The following KLHDC4 variants were observed in gnomAD, a reference collection of about 807,000 sequenced individuals.
The protein encoded by KLHDC4 is kelch domain-containing protein 4.
A neutral mutation model predicts 62.4 loss-of-function variants in KLHDC4; 90 were observed. The observed-to-expected ratio is 1.44, with a 90% CI of 1.22 to 1.72. The LOEUF is 1.72. Among genes scored for constraint, KLHDC4 ranks in the 40% most tolerant of loss-of-function variants. The pLI, the probability that KLHDC4 is intolerant of heterozygous loss-of-function variation, is 0.00. For synonymous variants in KLHDC4, 386 were observed against 284.4 expected, an observed-to-expected ratio of 1.36 and a Z score of -3.59; for missense variants, 1,025 against 699.7, an observed-to-expected ratio of 1.47 and a Z score of -5.25.
In KLHDC4 at chr16:87,729,269, A is replaced by G. The variant is rs2039916512; in HGVS notation, c.599+1283T>C. 2.0e-5 allele frequency: 3 copies of G among 152,210 alleles called. No homozygotes were observed. The South Asian group carries it at 6.2e-4, about 32-fold the overall frequency. 9.4% of individuals were successfully genotyped at this position (152,210 alleles called of 1,614,324 possible). A position where few individuals can be genotyped will look rare whatever the true frequency, so the allele number is the denominator to read the frequency against. ...CTCTGGGAGGCTGTACAGACTTATCACGATGGATCAAGAATCACGAGAGGG... is the reference window on the plus strand; with the variant it reads ...CTCTGGGAGGCTGTACAGACTTATCGCGATGGATCAAGAATCACGAGAGGG... On this transcript the variant is annotated intron_variant, in intron 6 of 11. Coordinates refer to ENST00000270583, the MANE Select transcript of KLHDC4 (RefSeq NM_017566.4).
chr16:87,715,757 G>A (rs2036839775), intron 7 of KLHDC4, among the ~76,000 whole-genome samples: 1 of 152,228 alleles, frequency 6.6e-6, no homozygotes, highest in African/African-American at 2.4e-5. Context: ...AGTGGATGCT[G>A]ACATCGACCG....
intron 7 of KLHDC4, among the ~76,000 whole-genome samples, chr16:87,720,255 C>T (rs1308300022): frequency 6.6e-6 from 1 of 152,170 alleles, no homozygotes; most frequent in Non-Finnish European, 1.5e-5. Context: ...GACGACTGGT[C>T]CTGGGAGAAG....
At chr16:87,713,388 G>C (rs1046494332) in intron 8 of KLHDC4, among the ~76,000 whole-genome samples, 2 of 151,510 alleles carry the variant, frequency 1.3e-5, no homozygotes, top group Non-Finnish European at 2.9e-5. Context: ...TTAAGAGATG[G>C]TGTGTCACTA....
intron 5 of KLHDC4, among the ~76,000 whole-genome samples, chr16:87,745,391 C>T (rs757692990): frequency 1.2e-4 from 18 of 152,364 alleles, no homozygotes; most frequent in Non-Finnish European, 2.2e-4. Context: ...GCCTCTGCCC[C>T]GCCTTCTGCT....
chr16:87,750,664 A>C (rs1312527803), intron 4 of KLHDC4, among the ~76,000 whole-genome samples: 1 of 152,206 alleles, frequency 6.6e-6, no homozygotes, highest in East Asian at 1.9e-4. Flanking sequence ...AGTGGTCCTC[A>C]GCAGGCTCCC....
At chr16:87,765,748 A>C (rs1018326006) in intron 1 of KLHDC4, 44 bp downstream of exon 1, 3 of 1,529,508 alleles carry the variant, frequency 2.0e-6, no homozygotes, top group African/African-American at 2.8e-5. Context: ...CCGAGGCTGC[A>C]CGGCCGCGAC....
intron 3 of KLHDC4, chr16:87,755,494 C>T: frequency 2.2e-6 from 1 of 454,902 alleles, no homozygotes; most frequent in South Asian, 2.2e-5. Context: ...GCCCACCAGG[C>T]CCATCAATCT....
At chr16:87,723,385 C>G (rs1006057790) in intron 7 of KLHDC4, among the ~76,000 whole-genome samples, 4 of 152,264 alleles carry the variant, frequency 2.6e-5, no homozygotes, top group African/African-American at 9.6e-5. Flanking sequence ...CACGTGGCTG[C>G]AGACAGCAGC....
chr16:87,736,645 G>C (rs146790605), intron 5 of KLHDC4, among the ~76,000 whole-genome samples: 2,331 of 152,284 alleles, frequency 0.015, 41 homozygotes, highest in Middle Eastern at 0.082. Context: ...ACGTTATGTG[G>C]CATGATTAGT....
chr16:87,754,369 G>A lies in KLHDC4; in HGVS notation c.369+825C>T, dbSNP rs549498461. ...TCAACAACAACAACAACAAATACAA[G>A]CGTATACAAATCTGATTTTTAAACC... On this transcript the variant is annotated intron_variant, in intron 4 of 11. Coordinates refer to ENST00000270583, the MANE Select transcript of KLHDC4 (RefSeq NM_017566.4). 3.3e-5 allele frequency among the ~76,000 whole-genome samples: 5 copies of A among 152,270 alleles called. No individual in the cohort carries two copies. In the South Asian group the frequency reaches 8.3e-4, roughly 25 times the overall value.
At position 87,735,245 on chromosome 16, in the gene KLHDC4, A is replaced by C. The variant is rs182792401; in HGVS notation, c.507-4601T>G. ...AACCCGGGAGGCGGAGCTTGCAGTGAGCAGAGATCGCACCACTGCACTCCA... is the reference window on the plus strand; with the variant it reads ...AACCCGGGAGGCGGAGCTTGCAGTGCGCAGAGATCGCACCACTGCACTCCA... On this transcript the variant is annotated intron_variant, in intron 5 of 11. Coordinates refer to ENST00000270583, the MANE Select transcript of KLHDC4 (RefSeq NM_017566.4). 4.9e-3 allele frequency among the ~76,000 whole-genome samples: 745 copies of C among 150,960 alleles called. 6 individuals carry two copies. Among genetic ancestry groups the C allele is most frequent in the African/African-American group, 0.017 (692 of 41,018 alleles).
intron 2 of KLHDC4, among the ~76,000 whole-genome samples, chr16:87,760,805 G>A (rs1379278864): frequency 3.3e-5 from 5 of 152,120 alleles, no homozygotes; most frequent in African/African-American, 4.8e-5. Flanking sequence ...GGCCAAGGCA[G>A]GTGGATTACC....
At chr16:87,720,787 G>T (rs1457351865) in intron 7 of KLHDC4, among the ~76,000 whole-genome samples, 2 of 152,214 alleles carry the variant, frequency 1.3e-5, no homozygotes, top group Non-Finnish European at 2.9e-5. Context: ...CTGCTTCAGG[G>T]AAGCTGCTCC....
At chr16:87,727,018 T>G (rs1450414616) in intron 6 of KLHDC4, 94 bp from the exon 7 acceptor site, 1 of 1,374,026 alleles carries the variant, frequency 7.3e-7, no homozygotes, top group Non-Finnish European at 1.0e-6. Flanking sequence ...GTAAATTTCC[T>G]ACTGTTTGGG....
intron 5 of KLHDC4, among the ~76,000 whole-genome samples, chr16:87,747,272 C>T (rs374017750): frequency 3.3e-4 from 50 of 152,332 alleles, no homozygotes; most frequent in African/African-American, 1.2e-3. Flanking sequence ...TCACTCTCCT[C>T]ACCTGTCAAT....
intron 7 of KLHDC4, among the ~76,000 whole-genome samples, chr16:87,716,947 A>T (rs1029325380): frequency 6.6e-6 from 1 of 151,960 alleles, no homozygotes; most frequent in Non-Finnish European, 1.5e-5. Flanking sequence ...AAAGAAAAGA[A>T]AAGAAACTAA....
intron 4 of KLHDC4, among the ~76,000 whole-genome samples, chr16:87,753,631 C>A (rs1416022902): frequency 6.6e-6 from 1 of 150,890 alleles, no homozygotes. Context: ...GAAACCCCGT[C>A]TCTACTGAAA....
chr16:87,744,475 C>G (rs578114036), intron 5 of KLHDC4, among the ~76,000 whole-genome samples: 7 of 150,762 alleles, frequency 4.6e-5, no homozygotes, highest in Non-Finnish European at 8.8e-5. Flanking sequence ...CCCAGCTACT[C>G]GGGACACTGA....
At chr16:87,703,095 T>C (rs1384100523), downstream of KLHDC4, 5 of 152,260 alleles carry the variant, frequency 3.3e-5, no homozygotes, top group Non-Finnish European at 7.3e-5. Flanking sequence ...GCGTCTTTAC[T>C]GAAGGTCCTT....
Sources: gnomAD v4.1 joint callset for allele counts (sites outside exome capture counted in the v4.1 genomes callset) on GRCh38, gnomAD v4.1.1 for gene constraint, MANE v1.5 for transcripts, NCBI Gene and HGNC (gene_info 2026-07-23, HGNC 2026-07-21) for gene names.